The following DEFB119 variants were observed in gnomAD, a reference collection of about 807,000 sequenced individuals.
DEFB119 encodes the protein defensin beta 119.
A neutral mutation model predicts 2.5 loss-of-function variants in DEFB119; 3 were observed. The observed-to-expected ratio is 1.19, with a 90% confidence interval of 0.54 to 3.07. The LOEUF (loss-of-function observed/expected upper bound fraction) is 3.07, where lower values mean the gene tolerates loss of function less well. Ranked by LOEUF, DEFB119 falls within the 30% of genes most tolerant of loss-of-function variation. The pLI is 0.03. For missense variants in DEFB119, 113 were observed against 101.1 expected, an observed-to-expected ratio of 1.12 and a Z score of -0.50; for synonymous variants, 29 against 33.7, an observed-to-expected ratio of 0.86 and a Z score of 0.48.
chr20:31,383,083 G>A (rs1181788080), intron 1 of DEFB119, among the ~76,000 whole-genome samples: 1 of 152,186 alleles, frequency 6.6e-6, no homozygotes, highest in Non-Finnish European at 1.5e-5. Flanking sequence ...TGTGTACGTA[G>A]CTAAAATTTT....
At position 31,390,419 on chromosome 20, in the gene DEFB119, T is replaced by C; in HGVS notation, c.61+4A>G. On this transcript the variant is annotated splice_donor_region_variant and intron_variant, in intron 1 of 1. Coordinates refer to ENST00000376321, the MANE Select transcript of DEFB119 (RefSeq NM_153289.4). ...CCCAGACCCCCGAGAGAGGTTCACG[T>C]TACCTGATATCACTGGTTCTTCTAT... The C allele has an allele frequency of 6.2e-7, 1 of 1,608,828 alleles. No homozygotes were observed. Among genetic ancestry groups the C allele is most frequent in the South Asian group, 1.1e-5 (1 of 90,574 alleles).
At chr20:31,380,288 C>T (rs759476757) in intron 1 of DEFB119, among the ~76,000 whole-genome samples, 5 of 151,874 alleles carry the variant, frequency 3.3e-5, no homozygotes, top group Admixed American at 6.6e-5. Context: ...TCTTTAGAGA[C>T]GGGGTCTTGC....
chr20:31,382,600 C>T (rs748393000), intron 1 of DEFB119, among the ~76,000 whole-genome samples: 2 of 152,218 alleles, frequency 1.3e-5, no homozygotes, highest in African/African-American at 2.4e-5. Context: ...GCCAGAACCA[C>T]GTAGACCTAA....
intron 1 of DEFB119, 46 bp from the exon 2 acceptor site, chr20:31,377,485 A>G (rs1415254160): frequency 9.0e-6 from 14 of 1,563,298 alleles, no homozygotes; most frequent in African/African-American, 1.4e-5. Flanking sequence ...CCTAGGAGTG[A>G]CATAAATCTG....
intron 1 of DEFB119, among the ~76,000 whole-genome samples, chr20:31,385,919 T>G (rs1342421578): frequency 1.3e-5 from 2 of 151,560 alleles, no homozygotes; most frequent in African/African-American, 2.4e-5. Context: ...TGTGAAGACT[T>G]TCATGGGTGG....
intron 1 of DEFB119, among the ~76,000 whole-genome samples, chr20:31,389,990 C>T (rs1986866603): frequency 6.6e-6 from 1 of 152,060 alleles, no homozygotes; most frequent in African/African-American, 2.4e-5. Flanking sequence ...CAAATCCCAT[C>T]CTGTCTCCAA....
At chr20:31,380,297 G>T (rs1986459418) in intron 1 of DEFB119, among the ~76,000 whole-genome samples, 1 of 151,940 alleles carries the variant, frequency 6.6e-6, no homozygotes, top group Admixed American at 6.6e-5. Flanking sequence ...ACGGGGTCTT[G>T]CTATCTTGCC....
chr20:31,387,922 GA>G (rs1196060807), intron 1 of DEFB119, among the ~76,000 whole-genome samples: 3 of 152,216 alleles, frequency 2.0e-5, no homozygotes, highest in African/African-American at 7.2e-5. Flanking sequence ...TCTAAGGGCA[GA>G]AATATTGAGC....
chr20:31,390,603 C>T (rs1986900130), upstream of DEFB119: 1 of 923,670 alleles, frequency 1.1e-6, no homozygotes, highest in Non-Finnish European at 1.7e-6. Context: ...TGAATTAGAA[C>T]AGGAGGGGAT....
At chr20:31,390,018 A>G (rs992977996) in intron 1 of DEFB119, among the ~76,000 whole-genome samples, 14 of 151,950 alleles carry the variant, frequency 9.2e-5, no homozygotes, top group African/African-American at 3.4e-4. Context: ...CTAAACCATC[A>G]GGGAAGCCCA....
chr20:31,384,082 T>C (rs1484489855), intron 1 of DEFB119, among the ~76,000 whole-genome samples: 1 of 152,148 alleles, frequency 6.6e-6, no homozygotes, highest in Non-Finnish European at 1.5e-5. Flanking sequence ...AATGGACTAA[T>C]ACAATAGATA....
intron 1 of DEFB119, chr20:31,388,038 G>A (rs1986777161): frequency 1.0e-6 from 1 of 984,632 alleles, no homozygotes. Context: ...TCACTGCAGA[G>A]GACGCAGTTC....
intron 1 of DEFB119, among the ~76,000 whole-genome samples, chr20:31,384,063 C>T (rs1157269799): frequency 1.3e-5 from 2 of 152,040 alleles, no homozygotes; most frequent in African/African-American, 4.8e-5. Flanking sequence ...TTCTTCATAG[C>T]AGTATGAAAA....
intron 1 of DEFB119, among the ~76,000 whole-genome samples, chr20:31,381,314 T>G (rs1042558084): frequency 3.3e-5 from 5 of 152,262 alleles, no homozygotes; most frequent in African/African-American, 1.2e-4. Context: ...ATTTTGCCTT[T>G]GCTTTTTGTT....
intron 1 of DEFB119, chr20:31,389,209 T>TGTCC (rs1433371463): frequency 6.2e-7 from 1 of 1,613,958 alleles, no homozygotes; most frequent in African/African-American, 1.3e-5. Context: ...CAACCGGCAG[T>TGTCC]GTCCATCCAT....
At chr20:31,382,469 T>A (rs67640406) in intron 1 of DEFB119, among the ~76,000 whole-genome samples, 21,788 of 152,128 alleles carry the variant, frequency 0.14, 1,797 homozygotes, top group Non-Finnish European at 0.18. Flanking sequence ...GCTGAATACA[T>A]AGAAGGCAAT....
chr20:31,377,347 A>G lies in DEFB119; in HGVS notation c.154T>C (p.Cys52Arg). The G allele has an allele frequency of 1.2e-6, 2 of 1,614,176 alleles. No homozygotes were observed. Among genetic ancestry groups the G allele is most frequent in the Non-Finnish European group, 1.7e-6 (2 of 1,180,018 alleles). ...NEQPYLYCRN[C>R]QSCCLQSYMR... ...TAGGACTGGAGGCAGCAGGACTGAC[A>G]ATTTCTGCAATAGAGGTAGGGCTGT... The change falls in exon 2 of 2, where the codon TGT (cysteine) becomes CGT (arginine). Residue 52 changes from cysteine to arginine, a missense_variant. Physicochemically the swap from Cys to Arg is radical, Grantham distance 180 (BLOSUM62 -3). Transcript: ENST00000376321.
At chr20:31,379,408 A>T (rs955340719) in intron 1 of DEFB119, among the ~76,000 whole-genome samples, 4 of 152,150 alleles carry the variant, frequency 2.6e-5, no homozygotes, top group Non-Finnish European at 5.9e-5. Context: ...ACATCTTTTC[A>T]AATGCTTATT....
At chr20:31,383,529 GT>G (rs1986576160) in intron 1 of DEFB119, among the ~76,000 whole-genome samples, 1 of 74,986 alleles carries the variant, frequency 1.3e-5, no homozygotes, top group Admixed American at 2.1e-4. Flanking sequence ...ACAAGACTCT[GT>G]CTTAAAAAAA....
Sources: allele counts gnomAD v4.1 joint callset (sites outside exome capture counted in the v4.1 genomes callset), GRCh38; gene constraint gnomAD v4.1.1; transcripts MANE v1.5; gene names NCBI Gene and HGNC (gene_info 2026-07-23, HGNC 2026-07-21).